Variants in VPS37A observed in about 807,000 individuals in gnomAD.
VPS37A encodes vacuolar protein sorting-associated protein 37A.
A neutral mutation model predicts 49.8 loss-of-function variants in VPS37A; 30 were observed. The ratio of observed to expected loss-of-function variants is 0.60; its 90% confidence interval spans 0.45 to 0.82. The LOEUF is 0.82. Ranked by LOEUF, VPS37A falls within the 40% of genes least tolerant of loss-of-function variation. The pLI is 0.00. For missense variants in VPS37A, 593 were observed against 464.4 expected (o/e 1.28, Z -2.55); for synonymous variants, 195 against 160.6 (o/e 1.21, Z -1.62).
the VPS37A span, among the ~76,000 whole-genome samples, chr8:17,328,701 C>A: frequency 1.3e-5 from 2 of 151,964 alleles, no homozygotes; most frequent in Non-Finnish European, 2.9e-5. Flanking sequence ...TGCACATACC[C>A]CAGAACTTAA....
In VPS37A at chr8:17,274,723, T is replaced by C. The variant is rs763325352; in HGVS notation, c.417-10T>C. ...AATCTAATGTAATGATCTTCTCTTTTTCTTTTCAGTCTATACAGTAACCCA... is the reference window on the plus strand; with the variant it reads ...AATCTAATGTAATGATCTTCTCTTTCTCTTTTCAGTCTATACAGTAACCCA... On this transcript the variant is annotated splice_polypyrimidine_tract_variant and intron_variant, in intron 4 of 11. Coordinates refer to ENST00000324849, the MANE Select transcript of VPS37A (RefSeq NM_152415.3). 1 of 1,599,528 alleles carries C rather than the reference T, an allele frequency of 6.3e-7. No homozygotes were observed. Among genetic ancestry groups the C allele is most frequent in the Admixed American group, 1.7e-5 (1 of 59,096 alleles).
At chr8:17,321,281 A>AAT in the VPS37A span, among the ~76,000 whole-genome samples, 1 of 152,240 alleles carries the variant, frequency 6.6e-6, no homozygotes, top group East Asian at 1.9e-4. Flanking sequence ...ACCAGGCCCT[A>AAT]GAATGTCCTG....
chr8:17,269,726 G>A (rs1486286774), intron 4 of VPS37A, among the ~76,000 whole-genome samples: 1 of 151,930 alleles, frequency 6.6e-6, no homozygotes, highest in Non-Finnish European at 1.5e-5. Flanking sequence ...TCTTGTATTG[G>A]ATTCTCCATT....
chr8:17,303,298 T>C (rs1817246798), downstream of VPS37A, among the ~76,000 whole-genome samples: 1 of 152,150 alleles, frequency 6.6e-6, no homozygotes. Flanking sequence ...GGCTTTTGTT[T>C]AGTATGATAG....
chr8:17,277,861 T>TACACACACACACACACACAC (rs67718316), intron 6 of VPS37A, among the ~76,000 whole-genome samples: 2 of 140,886 alleles, frequency 1.4e-5, no homozygotes, highest in East Asian at 4.2e-4. Flanking sequence ...TTCTCTTTTA[T>TACACACACACACACACACAC]ACACACACAC....
At chr8:17,255,170 TAAATACA>T (rs1311184971) in intron 1 of VPS37A, among the ~76,000 whole-genome samples, 1 of 152,090 alleles carries the variant, frequency 6.6e-6, no homozygotes, top group African/African-American at 2.4e-5. Context: ...AATATAAACA[TAAATACA>T]AAATATAAAC....
chr8:17,322,038 C>T, the VPS37A span, among the ~76,000 whole-genome samples: 1 of 152,080 alleles, frequency 6.6e-6, no homozygotes, highest in East Asian at 1.9e-4. Context: ...TCCATTTGAA[C>T]CCTGTGGGGT....
chr8:17,284,571 G>C lies in VPS37A; in HGVS notation c.1068G>C (p.Lys356Asn). 1.2e-6 allele frequency: 2 copies of C among 1,600,750 alleles called. No homozygotes were observed. The highest frequency in any genetic ancestry group is 1.7e-6 in the Non-Finnish European group (2 of 1,175,528). Residue 356 changes from lysine to asparagine, a missense_variant, in exon 10 of 12, where the codon AAG (lysine) becomes AAC (asparagine). Lys to Asn is a moderately conservative substitution (Grantham distance 94, BLOSUM62 0). Transcript: ENST00000324849. ...DNIAEDFLEG[K>N]MEIDDFLSSF... ...TTGCAGAAGACTTCTTGGAGGGAAA[G>C]ATGGAAATAGATGATTTTCTCAGTA...
chr8:17,325,371 C>T, the VPS37A span, among the ~76,000 whole-genome samples: 2 of 152,204 alleles, frequency 1.3e-5, no homozygotes, highest in Non-Finnish European at 2.9e-5. Context: ...GGCCTCAAAA[C>T]CTTTGCGTGG....
At chr8:17,279,003 T>C (rs1814780857) in intron 6 of VPS37A, among the ~76,000 whole-genome samples, 1 of 152,170 alleles carries the variant, frequency 6.6e-6, no homozygotes, top group South Asian at 2.1e-4. Context: ...TACCCATTTT[T>C]GTTTTTGGTT....
At chr8:17,259,149 A>G (rs1458403651) in intron 1 of VPS37A, among the ~76,000 whole-genome samples, 3 of 151,892 alleles carry the variant, frequency 2.0e-5, no homozygotes, top group Non-Finnish European at 2.9e-5. Flanking sequence ...TCTCTAGTTC[A>G]TCAAAGTGCA....
At chr8:17,258,492 C>T (rs773731313) in intron 1 of VPS37A, among the ~76,000 whole-genome samples, 1 of 152,088 alleles carries the variant, frequency 6.6e-6, no homozygotes, top group Non-Finnish European at 1.5e-5. Flanking sequence ...GGTAATACCA[C>T]CTGATAATGG....
At chr8:17,311,777 C>A in the VPS37A span, 12 of 1,328,814 alleles carry the variant, frequency 9.0e-6, no homozygotes, top group South Asian at 1.5e-4. Flanking sequence ...GTTTAGGGCC[C>A]CCCCTAATTA....
At chr8:17,252,764 T>C (rs758180028) in intron 1 of VPS37A, among the ~76,000 whole-genome samples, 1 of 152,228 alleles carries the variant, frequency 6.6e-6, no homozygotes, top group Non-Finnish European at 1.5e-5. Flanking sequence ...GGTGTAGTTA[T>C]TTGATAGGAA....
chr8:17,279,857 TGTG>T, intron 6 of VPS37A, 168 bp from the exon 7 acceptor site: 1 of 767,950 alleles, frequency 1.3e-6, no homozygotes, highest in Non-Finnish European at 2.2e-6. Context: ...TATGTTCCAT[TGTG>T]GTTGATGTTT....
At chr8:17,309,042 T>G in the VPS37A span, among the ~76,000 whole-genome samples, 1 of 152,334 alleles carries the variant, frequency 6.6e-6, no homozygotes, top group South Asian at 2.1e-4. Context: ...TGAACAAGCA[T>G]TCTCTGTCTC....
At chr8:17,313,885 A>G in the VPS37A span, among the ~76,000 whole-genome samples, 1 of 152,206 alleles carries the variant, frequency 6.6e-6, no homozygotes, top group African/African-American at 2.4e-5. Context: ...TAAATTTCTT[A>G]AATGAAAATG....
At chr8:17,317,719 G>A in the VPS37A span, among the ~76,000 whole-genome samples, 2 of 152,148 alleles carry the variant, frequency 1.3e-5, no homozygotes, top group Non-Finnish European at 2.9e-5. Context: ...CTGATGGCTC[G>A]AATTCCAGAG....
chr8:17,300,803 T>A (rs4921744), downstream of VPS37A, among the ~76,000 whole-genome samples: 3 of 152,154 alleles, frequency 2.0e-5, no homozygotes, highest in South Asian at 2.1e-4. Context: ...TGGCTACTAC[T>A]GATCAACTTC....
Sources: allele counts gnomAD v4.1 joint callset (sites outside exome capture counted in the v4.1 genomes callset), GRCh38; gene constraint gnomAD v4.1.1; transcripts MANE v1.5; gene names NCBI Gene and HGNC (gene_info 2026-07-23, HGNC 2026-07-21).